Variants in SRGAP3 observed in about 807,000 individuals in gnomAD.
The protein encoded by SRGAP3 is SLIT-ROBO Rho GTPase-activating protein 3.
A neutral mutation model predicts 121.1 loss-of-function variants in SRGAP3; 39 were observed. That is an observed-to-expected ratio of 0.32 (90% CI 0.25 to 0.42). SRGAP3 has a LOEUF of 0.42. SRGAP3 is among the 10% of genes least tolerant of loss of function. SRGAP3 has a pLI of 1.00. For missense variants in SRGAP3, 1,213 were observed against 1,470.6 expected (o/e 0.82, Z 2.86); for synonymous variants, 601 against 570.0 (o/e 1.05, Z -0.77).
At chr3:9,189,808 C>G (rs181537632) in intron 1 of SRGAP3, among the ~76,000 whole-genome samples, 1 of 152,220 alleles carries the variant, frequency 6.6e-6, no homozygotes, top group Non-Finnish European at 1.5e-5. Context: ...AAAGGAAGAA[C>G]TGACACCCAG....
intron 2 of SRGAP3, among the ~76,000 whole-genome samples, chr3:9,326,825 G>A (rs1011266619): frequency 1.3e-4 from 20 of 151,690 alleles, no homozygotes; most frequent in East Asian, 3.8e-4. Context: ...AGAATCTCAC[G>A]TTACCATAAG....
intron 3 of SRGAP3, among the ~76,000 whole-genome samples, chr3:9,263,778 T>A (rs1954299514): frequency 6.6e-6 from 1 of 152,206 alleles, no homozygotes; most frequent in South Asian, 2.1e-4. Context: ...CACAGCTGAA[T>A]TCTACCAGAG....
At position 9,328,467 on chromosome 3, in the gene SRGAP3, T is replaced by C. The variant is rs575501814; in HGVS notation, n.283+2061A>G. ...GGCTGTTGGAGCTTGAATATCCACT[T>C]TTAATTAAGCTGACTTTTTAACCAT... On this transcript the variant is annotated intron_variant and non_coding_transcript_variant, in intron 2 of 3. Coordinates refer to the SRGAP3 transcript ENST00000490889. Among the ~76,000 whole-genome samples the C allele has an allele frequency of 2.0e-5, 3 of 152,310 alleles. No homozygotes were observed. In the South Asian group the frequency reaches 6.2e-4, roughly 32 times the overall value.
At chr3:9,302,667 C>T (rs947483464) in intron 3 of SRGAP3, among the ~76,000 whole-genome samples, 2 of 152,206 alleles carry the variant, frequency 1.3e-5, no homozygotes, top group Non-Finnish European at 2.9e-5. Context: ...AAAACCCCTG[C>T]TGGCTGTAGA....
intron 1 of SRGAP3, chr3:9,348,895 T>C: frequency 9.2e-7 from 1 of 1,082,816 alleles, no homozygotes; most frequent in Non-Finnish European, 1.4e-6. Flanking sequence ...TACCCTCCTG[T>C]GAGAGTCTGA....
intron 3 of SRGAP3, among the ~76,000 whole-genome samples, chr3:9,255,482 T>C (rs1229823982): frequency 1.3e-5 from 2 of 152,204 alleles, no homozygotes; most frequent in African/African-American, 2.4e-5. Flanking sequence ...TTGGCAATCC[T>C]GGCAAGGAAG....
intron 1 of SRGAP3, among the ~76,000 whole-genome samples, chr3:9,347,992 T>C (rs752792915): frequency 1.3e-5 from 2 of 152,220 alleles, no homozygotes; most frequent in Non-Finnish European, 2.9e-5. Context: ...CAACAGGCAC[T>C]AGAAACACCC....
rs1333656294 is a variant in SRGAP3 at position 9,045,048 on chromosome 3, T to TATTC, written c.1408+2339_1408+2342dup. 3.3e-5 allele frequency among the ~76,000 whole-genome samples: 5 copies of TATTC among 152,348 alleles called. No homozygotes were observed. The East Asian group carries it at 9.6e-4, about 29-fold the overall frequency. On this transcript the variant is annotated intron_variant, in intron 10 of 21. Transcript: ENST00000383836. ...AACTTCAGTTAATAATAATGTACCATATTCATTAATGCTGACAAATATAGC... is the reference window on the plus strand; with the variant it reads ...AACTTCAGTTAATAATAATGTACCATATTCATTCATTAATGCTGACAAATATAGC...
chr3:9,249,686 C>T (rs1273568628), upstream of SRGAP3: 2 of 232,538 alleles, frequency 8.6e-6, no homozygotes, highest in African/African-American at 2.2e-5. Context: ...CCCCACTGCT[C>T]ACGTCACTAG....
chr3:9,069,814 G>A (rs562179890), intron 4 of SRGAP3, among the ~76,000 whole-genome samples: 40 of 152,308 alleles, frequency 2.6e-4, no homozygotes, highest in African/African-American at 8.2e-4. Flanking sequence ...AGGCGTGGTG[G>A]TGGGCCCCTG....
chr3:9,231,869 T>G (rs1261778826), intron 1 of SRGAP3, among the ~76,000 whole-genome samples: 1 of 152,184 alleles, frequency 6.6e-6, no homozygotes, highest in African/African-American at 2.4e-5. Flanking sequence ...ATTTCACAGA[T>G]GAGGAAGCCA....
chr3:9,029,012 C>T (rs1944347406), intron 12 of SRGAP3, among the ~76,000 whole-genome samples: 1 of 152,166 alleles, frequency 6.6e-6, no homozygotes, highest in Admixed American at 6.5e-5. Context: ...CATCCAGGCT[C>T]CTGGAGGATG....
chr3:9,061,757 G>A (rs1289591976), intron 5 of SRGAP3, among the ~76,000 whole-genome samples: 1 of 152,110 alleles, frequency 6.6e-6, no homozygotes, highest in Non-Finnish European at 1.5e-5. Context: ...TGACTGGATG[G>A]GAGAGGTGGG....
intron 1 of SRGAP3, among the ~76,000 whole-genome samples, chr3:9,177,655 G>A (rs1307198323): frequency 6.6e-6 from 1 of 152,192 alleles, no homozygotes; most frequent in Non-Finnish European, 1.5e-5. Context: ...GCCACTGGGT[G>A]CCAAGGACAG....
intron 3 of SRGAP3, among the ~76,000 whole-genome samples, chr3:9,276,164 A>G (rs1236920820): frequency 6.6e-6 from 1 of 152,222 alleles, no homozygotes; most frequent in African/African-American, 2.4e-5. Context: ...ACCAGAAGCC[A>G]TAGCCTCCCT....
intron 18 of SRGAP3, among the ~76,000 whole-genome samples, chr3:8,999,793 T>C (rs1401916246): frequency 2.0e-5 from 3 of 152,130 alleles, no homozygotes; most frequent in East Asian, 1.9e-4. Flanking sequence ...GAGATTTAGA[T>C]TTAATTTAAA....
rs542310848 is a variant in SRGAP3, at chr3:9,169,350, G to A, written c.68-44433C>T. Among the ~76,000 whole-genome samples, 5 of 152,302 alleles carry A rather than the reference G, an allele frequency of 3.3e-5. No homozygotes were observed. In the South Asian group the frequency reaches 1.0e-3, roughly 32 times the overall value. On this transcript the variant is annotated intron_variant, in intron 1 of 21. Coordinates refer to ENST00000383836, the MANE Select transcript of SRGAP3 (RefSeq NM_014850.4). ...GGCAGATTGTAAAAACATTATATCT[G>A]TTTATGTCCAGGGTTGGAGGTGGGG...
At chr3:9,025,481 T>C in intron 13 of SRGAP3, 143 bp from the exon 14 acceptor site, 1 of 959,032 alleles carries the variant, frequency 1.0e-6, no homozygotes, top group Non-Finnish European at 1.6e-6. Context: ...CCTATGAATG[T>C]CTCCAGAAAT....
At chr3:8,989,641 AC>A (rs1256267673) in intron 21 of SRGAP3, among the ~76,000 whole-genome samples, 2 of 152,212 alleles carry the variant, frequency 1.3e-5, no homozygotes, top group Non-Finnish European at 2.9e-5. Flanking sequence ...AATTCCAGAG[AC>A]AAAAAAAATG....
Sources: allele counts gnomAD v4.1 joint callset (sites outside exome capture counted in the v4.1 genomes callset), GRCh38; gene constraint gnomAD v4.1.1; transcripts MANE v1.5; gene names NCBI Gene and HGNC (gene_info 2026-07-23, HGNC 2026-07-21).